Variants in ZNF423 observed in about 807,000 individuals in gnomAD.
The protein encoded by ZNF423 is zinc finger protein 423.
Under a neutral mutation model 95.8 loss-of-function variants are expected in ZNF423, and 12 were observed. That is an observed-to-expected ratio of 0.13 (90% CI 0.08 to 0.20). ZNF423 has a LOEUF of 0.20. Among genes scored for constraint, ZNF423 ranks in the 10% least tolerant of loss-of-function variants. The probability of loss-of-function intolerance (pLI) is 1.00; values close to 1 mark genes in which losing one functional copy is unlikely to be tolerated. For synonymous variants in ZNF423, 749 were observed against 711.9 expected, an observed-to-expected ratio of 1.05 and a Z score of -0.83; for missense variants, 1,316 against 1,737.1, an observed-to-expected ratio of 0.76 and a Z score of 4.31.
intron 5 of ZNF423, among the ~76,000 whole-genome samples, chr16:49,612,685 T>C (rs568781639): frequency 7.9e-5 from 12 of 152,088 alleles, no homozygotes; most frequent in Non-Finnish European, 1.0e-4. Flanking sequence ...GCCAGGGCAA[T>C]AAGGCAAGAA....
chr16:49,527,156 C>T (rs1029059976), intron 5 of ZNF423, among the ~76,000 whole-genome samples: 1 of 152,100 alleles, frequency 6.6e-6, no homozygotes, highest in African/African-American at 2.4e-5. Flanking sequence ...CCGGGCACCC[C>T]ACCGCAGAGG....
chr16:49,804,569 C>T (rs548981710), intron 1 of ZNF423, among the ~76,000 whole-genome samples: 55 of 152,264 alleles, frequency 3.6e-4, no homozygotes, highest in Admixed American at 2.2e-3. Flanking sequence ...GTCAGCCTGA[C>T]CACAGGCTAC....
At chr16:49,546,795 C>G (rs1039516768) in intron 5 of ZNF423, among the ~76,000 whole-genome samples, 4 of 152,088 alleles carry the variant, frequency 2.6e-5, no homozygotes, top group African/African-American at 7.2e-5. Flanking sequence ...TGCTTGACCT[C>G]AAAGGTCATT....
At chr16:49,833,628 G>C (rs887286356) in intron 1 of ZNF423, among the ~76,000 whole-genome samples, 3 of 149,270 alleles carry the variant, frequency 2.0e-5, no homozygotes, top group Non-Finnish European at 4.5e-5. Context: ...GCAAGACAAT[G>C]ATGGTGAAAT....
At chr16:49,832,451 C>A (rs950441749) in intron 1 of ZNF423, among the ~76,000 whole-genome samples, 41 of 152,156 alleles carry the variant, frequency 2.7e-4, no homozygotes, top group Non-Finnish European at 4.7e-4. Flanking sequence ...CATATCTCCA[C>A]CCCCAGCCAA....
chr16:49,506,052 T>G (rs1967619891), intron 7 of ZNF423, among the ~76,000 whole-genome samples: 1 of 152,180 alleles, frequency 6.6e-6, no homozygotes, highest in South Asian at 2.1e-4. Flanking sequence ...GGGTGTGTGC[T>G]TTCGTGTGTG....
chr16:49,802,104 T>C (rs191664240), intron 1 of ZNF423, among the ~76,000 whole-genome samples: 1,776 of 152,258 alleles, frequency 0.012, 33 homozygotes, highest in African/African-American at 0.04. Flanking sequence ...CGCCTCAGCC[T>C]CCCAAAGTGC....
chr16:49,839,749 C>A (rs2035163654), intron 1 of ZNF423, among the ~76,000 whole-genome samples: 1 of 152,168 alleles, frequency 6.6e-6, no homozygotes, highest in African/African-American at 2.4e-5. Flanking sequence ...AGCCGGCTCG[C>A]CGCCCTCCCA....
chr16:49,836,157 G>A (rs576225837), intron 1 of ZNF423, among the ~76,000 whole-genome samples: 20 of 152,302 alleles, frequency 1.3e-4, no homozygotes, highest in African/African-American at 2.4e-4. Context: ...CTCCAACTTC[G>A]CACCTAGCAG....
At chr16:49,529,885 A>G (rs954611827) in intron 5 of ZNF423, among the ~76,000 whole-genome samples, 1 of 151,576 alleles carries the variant, frequency 6.6e-6, no homozygotes, top group Non-Finnish European at 1.5e-5. Flanking sequence ...GTCCCTGCCT[A>G]CCCCCTCTCT....
At chr16:49,575,643 G>A (rs545621769) in intron 5 of ZNF423, among the ~76,000 whole-genome samples, 6 of 152,298 alleles carry the variant, frequency 3.9e-5, no homozygotes, top group East Asian at 1.9e-4. Flanking sequence ...GTGGGGCTTC[G>A]ACAGAGGCCA....
intron 1 of ZNF423, among the ~76,000 whole-genome samples, chr16:49,814,451 CAG>C (rs2034805259): frequency 6.6e-6 from 1 of 151,506 alleles, no homozygotes; most frequent in African/African-American, 2.4e-5. Flanking sequence ...GCAAGCGGGA[CAG>C]GGGTGGGCTG....
chr16:49,552,785 G>A (rs899799283), intron 5 of ZNF423, among the ~76,000 whole-genome samples: 1 of 152,028 alleles, frequency 6.6e-6, no homozygotes, highest in Non-Finnish European at 1.5e-5. Flanking sequence ...ATGGAAGGCA[G>A]CTTGTAGGCT....
intron 3 of ZNF423, among the ~76,000 whole-genome samples, chr16:49,656,606 C>T (rs1202048235): frequency 6.6e-6 from 1 of 152,112 alleles, no homozygotes; most frequent in Non-Finnish European, 1.5e-5. Flanking sequence ...CCCCATAATG[C>T]CTCCAAGCTA....
intron 5 of ZNF423, among the ~76,000 whole-genome samples, chr16:49,589,192 A>T (rs1424595550): frequency 6.6e-6 from 1 of 152,226 alleles, no homozygotes; most frequent in African/African-American, 2.4e-5. Context: ...AAAGTCCATC[A>T]CAAAGGGGAA....
At chr16:49,750,995 C>T (rs1173499668) in intron 2 of ZNF423, among the ~76,000 whole-genome samples, 1 of 152,054 alleles carries the variant, frequency 6.6e-6, no homozygotes, top group African/African-American at 2.4e-5. Context: ...GACAGAGGCC[C>T]GACGGCGACG....
intron 3 of ZNF423, among the ~76,000 whole-genome samples, chr16:49,646,462 G>A (rs1363452751): frequency 1.3e-5 from 2 of 152,128 alleles, no homozygotes; most frequent in African/African-American, 4.8e-5. Flanking sequence ...GGGCAAGAGA[G>A]GGTGCATAGC....
At chr16:49,509,316 T>C (rs1251486398) in intron 7 of ZNF423, among the ~76,000 whole-genome samples, 1 of 152,182 alleles carries the variant, frequency 6.6e-6, no homozygotes, top group Non-Finnish European at 1.5e-5. Context: ...CTTGCTCATA[T>C]TGCAGCCACA....
chr16:49,566,598 A>G (rs1970199623), intron 5 of ZNF423, among the ~76,000 whole-genome samples: 1 of 152,256 alleles, frequency 6.6e-6, no homozygotes. Context: ...CTCAGAATTG[A>G]TACGGCAGCA....
Sources: allele counts gnomAD v4.1 joint callset (sites outside exome capture counted in the v4.1 genomes callset), GRCh38; gene constraint gnomAD v4.1.1; transcripts MANE v1.5; gene names NCBI Gene and HGNC (gene_info 2026-07-23, HGNC 2026-07-21).